Variants in TCF4 observed in about 807,000 individuals in gnomAD.
The protein encoded by TCF4 is transcription factor 4.
A neutral mutation model predicts 82.1 loss-of-function variants in TCF4; 3 were observed. The observed-to-expected ratio is 0.04, with a 90% CI of 0.02 to 0.09. The LOEUF is 0.09. TCF4 is among the 10% of genes least tolerant of loss of function. TCF4 has a pLI of 1.00. For synonymous variants in TCF4, 276 were observed against 309.6 expected (o/e 0.89, Z 1.14); for missense variants, 518 against 852.7 (o/e 0.61, Z 4.89).
At chr18:55,417,320 C>A (rs1174284056) in intron 5 of TCF4, among the ~76,000 whole-genome samples, 2 of 152,136 alleles carry the variant, frequency 1.3e-5, no homozygotes, top group Non-Finnish European at 2.9e-5. Context: ...TGAGGACCTG[C>A]AGCTGCATTT....
chr18:55,418,703 T>A (rs1240955043), intron 5 of TCF4, among the ~76,000 whole-genome samples: 2 of 152,176 alleles, frequency 1.3e-5, no homozygotes, highest in African/African-American at 4.8e-5. Flanking sequence ...GAGTCACATC[T>A]TTTGCCCAGG....
chr18:55,401,449 T>C (rs17510124), intron 6 of TCF4: 26,554 of 1,040,266 alleles, frequency 0.026, 396 homozygotes, highest in Middle Eastern at 0.031. Flanking sequence ...TATGCAGTCA[T>C]AGTGCTATAT....
chr18:55,373,228 TAAAG>T (rs2145637466), intron 6 of TCF4, among the ~76,000 whole-genome samples: 1 of 151,346 alleles, frequency 6.6e-6, no homozygotes, highest in African/African-American at 2.4e-5. Context: ...TCTACAAAAA[TAAAG>T]CATGTAGAGA....
chr18:55,437,575 G>A (rs2095355495), intron 5 of TCF4, among the ~76,000 whole-genome samples: 1 of 152,248 alleles, frequency 6.6e-6, no homozygotes, highest in African/African-American at 2.4e-5. Context: ...AATAAGTATT[G>A]AGTTCAAGAA....
chr18:55,594,474 T>C (rs2097688837), intron 2 of TCF4, among the ~76,000 whole-genome samples: 1 of 152,232 alleles, frequency 6.6e-6, no homozygotes, highest in South Asian at 2.1e-4. Flanking sequence ...AATAACTATA[T>C]GTTAAATAAA....
chr18:55,443,454 T>C (rs1779204320), intron 5 of TCF4, among the ~76,000 whole-genome samples: 2 of 152,202 alleles, frequency 1.3e-5, no homozygotes, highest in Admixed American at 6.5e-5. Flanking sequence ...CTGTATTGAG[T>C]AGCTGGCTCA....
upstream of TCF4, among the ~76,000 whole-genome samples, chr18:55,593,511 T>C (rs1247424780): frequency 1.3e-5 from 2 of 152,174 alleles, no homozygotes; most frequent in Non-Finnish European, 2.9e-5. Context: ...GAAGGGTACT[T>C]GGTCTAAAGC....
At chr18:55,365,140 G>A (rs1376228573) in intron 6 of TCF4, among the ~76,000 whole-genome samples, 1 of 131,406 alleles carries the variant, frequency 7.6e-6, no homozygotes, top group African/African-American at 2.9e-5. Flanking sequence ...GCAACAGTGT[G>A]AGACTCCATC....
chr18:55,287,889 A>G lies in TCF4; in HGVS notation c.550-8233T>C, dbSNP rs1197463943. Among the ~76,000 whole-genome samples the G allele has an allele frequency of 2.6e-5, 4 of 152,318 alleles. No individual in the cohort carries two copies. The East Asian group carries it at 7.7e-4, about 29-fold the overall frequency. Reference sequence around the variant, plus strand: ...AGTATATTTTTCAAATCAAATTTCAAACTCTAAATAAAAATGAGTTGGTAG... The same window carrying G: ...AGTATATTTTTCAAATCAAATTTCAGACTCTAAATAAAAATGAGTTGGTAG... On this transcript the variant is annotated intron_variant, in intron 8 of 19. Coordinates refer to ENST00000354452, the MANE Select transcript of TCF4 (RefSeq NM_001083962.2).
intron 3 of TCF4, among the ~76,000 whole-genome samples, chr18:55,581,586 G>A (rs942472133): frequency 7.2e-5 from 11 of 151,840 alleles, no homozygotes; most frequent in African/African-American, 2.2e-4. Flanking sequence ...TATCTTTAAG[G>A]GGAAACCAAT....
intron 3 of TCF4, among the ~76,000 whole-genome samples, chr18:55,574,946 A>G (rs2097514251): frequency 6.6e-6 from 1 of 152,216 alleles, no homozygotes. Context: ...GCATGCATTC[A>G]TCCACTTCCA....
At chr18:55,591,655 T>C (rs2097685521), upstream of TCF4, among the ~76,000 whole-genome samples, 1 of 152,120 alleles carries the variant, frequency 6.6e-6, no homozygotes, top group African/African-American at 2.4e-5. Context: ...GTAGCTGGGA[T>C]TACAGGCATG....
intron 6 of TCF4, among the ~76,000 whole-genome samples, chr18:55,373,516 A>G (rs1030439410): frequency 6.6e-6 from 1 of 152,164 alleles, no homozygotes; most frequent in Non-Finnish European, 1.5e-5. Flanking sequence ...TTAATATATT[A>G]AAATAGGGAA....
intron 3 of TCF4, among the ~76,000 whole-genome samples, chr18:55,508,309 C>A (rs910019884): frequency 6.6e-6 from 1 of 152,212 alleles, no homozygotes; most frequent in African/African-American, 2.4e-5. Flanking sequence ...TTTAACCAGG[C>A]TGCCATTCCT....
At chr18:55,307,670 G>T (rs1800782507) in intron 8 of TCF4, among the ~76,000 whole-genome samples, 1 of 152,190 alleles carries the variant, frequency 6.6e-6, no homozygotes, top group African/African-American at 2.4e-5. Flanking sequence ...GTTTAAAGTG[G>T]TATTTGCATA....
intron 4 of TCF4, among the ~76,000 whole-genome samples, chr18:55,461,861 T>G (rs2095872570): frequency 6.6e-6 from 1 of 152,220 alleles, no homozygotes; most frequent in Non-Finnish European, 1.5e-5. Context: ...GTTCTTAAGC[T>G]GTCCAGTTAC....
At chr18:55,407,398 G>A (rs931470415) in intron 5 of TCF4, among the ~76,000 whole-genome samples, 3 of 152,080 alleles carry the variant, frequency 2.0e-5, no homozygotes, top group Non-Finnish European at 2.9e-5. Flanking sequence ...CACAACATCC[G>A]TCAATCAATC....
chr18:55,289,531 T>G (rs2064509173), intron 8 of TCF4, among the ~76,000 whole-genome samples: 1 of 152,234 alleles, frequency 6.6e-6, no homozygotes, highest in Non-Finnish European at 1.5e-5. Context: ...TTGTCAATTA[T>G]GTCTAACAGA....
At chr18:55,371,882 G>A (rs1379246138) in intron 6 of TCF4, among the ~76,000 whole-genome samples, 1 of 152,102 alleles carries the variant, frequency 6.6e-6, no homozygotes, top group Non-Finnish European at 1.5e-5. Flanking sequence ...TGGCACTGAG[G>A]GCTGCTTATA....
Sources: gnomAD v4.1 joint callset for allele counts (sites outside exome capture counted in the v4.1 genomes callset) on GRCh38, gnomAD v4.1.1 for gene constraint, MANE v1.5 for transcripts, NCBI Gene and HGNC (gene_info 2026-07-23, HGNC 2026-07-21) for gene names.